Variants in XRRA1 observed in about 807,000 individuals in gnomAD.
XRRA1 encodes X-ray radiation resistance-associated protein 1.
In XRRA1, 69 loss-of-function variants were observed where a neutral mutation model predicts 80.2. The observed-to-expected ratio is 0.86, with a 90% CI of 0.71 to 1.05. XRRA1 has a LOEUF of 1.05. Among genes scored for constraint, XRRA1 ranks in the 50% least tolerant of loss-of-function variants. The probability of loss-of-function intolerance (pLI) is 0.00; values close to 1 mark genes in which losing one functional copy is unlikely to be tolerated. For synonymous variants in XRRA1, 348 were observed against 389.9 expected (o/e 0.89, Z 1.27); for missense variants, 967 against 976.4 (o/e 0.99, Z 0.13).
chr11:74,885,178 T>C (rs1440622772), intron 10 of XRRA1, among the ~76,000 whole-genome samples: 1 of 152,062 alleles, frequency 6.6e-6, no homozygotes, highest in African/African-American at 2.4e-5. Context: ...GTGGGAGGAT[T>C]GCTTGAGTAT....
At chr11:74,850,362 G>T (rs1474516038) in intron 14 of XRRA1, among the ~76,000 whole-genome samples, 1 of 152,194 alleles carries the variant, frequency 6.6e-6, no homozygotes, top group Non-Finnish European at 1.5e-5. Context: ...GGAGGAAGAT[G>T]ATGGAAACCT....
At chr11:74,852,431 C>T (rs140895180) in intron 12 of XRRA1, among the ~76,000 whole-genome samples, 1 of 152,304 alleles carries the variant, frequency 6.6e-6, no homozygotes, top group Non-Finnish European at 1.5e-5. Flanking sequence ...TTCGTACGAA[C>T]AAACTCTTTA....
rs1212108872 is a variant in XRRA1 at position 74,841,547 on chromosome 11, TACTC to T, written c.*1649_*1652del. The T allele has an allele frequency of 1.3e-5, 2 of 152,216 alleles. No homozygotes were observed. The highest frequency in any genetic ancestry group is 2.9e-5 in the Non-Finnish European group (2 of 68,042). The allele number at this position is 152,216 out of a possible 1,614,324, so 9.4% of individuals were successfully genotyped here. A position where few individuals can be genotyped will look rare whatever the true frequency, so the allele number is the denominator to read the frequency against. ...TTTTTTTCCTCTTAAGAAAAAAATT[TACTC>T]TCTCTCCTTTGTGAGTAAATGCCTC... On this transcript the variant is annotated 3_prime_UTR_variant, in exon 19 of 19. Transcript: ENST00000684022.
chr11:74,898,618 C>T (rs2052918752), intron 10 of XRRA1, among the ~76,000 whole-genome samples: 1 of 151,860 alleles, frequency 6.6e-6, no homozygotes, highest in Admixed American at 6.6e-5. Flanking sequence ...ATACTTATAT[C>T]AGACAAAATA....
chr11:74,887,170 C>T (rs1036372150), intron 10 of XRRA1, among the ~76,000 whole-genome samples: 6 of 152,118 alleles, frequency 3.9e-5, no homozygotes, highest in African/African-American at 1.4e-4. Context: ...GCAAAGAGTC[C>T]ATGACAAAGA....
At chr11:74,903,619 C>T (rs1240487704) in intron 10 of XRRA1, among the ~76,000 whole-genome samples, 2 of 152,146 alleles carry the variant, frequency 1.3e-5, no homozygotes, top group Admixed American at 1.3e-4. Context: ...AGGAGAATGG[C>T]GAGAACCCAG....
chr11:74,943,847 T>C (rs976210027), intron 2 of XRRA1, among the ~76,000 whole-genome samples: 1 of 151,916 alleles, frequency 6.6e-6, no homozygotes, highest in Non-Finnish European at 1.5e-5. Flanking sequence ...TTTGAGACAG[T>C]GTCTTACTTT....
chr11:74,884,130 C>T (rs1006199898), intron 10 of XRRA1, among the ~76,000 whole-genome samples: 4 of 152,120 alleles, frequency 2.6e-5, no homozygotes, highest in African/African-American at 9.7e-5. Flanking sequence ...ACCCACTGCA[C>T]TCCATCCTGG....
At chr11:74,943,223 A>T (rs544511809) in intron 2 of XRRA1, among the ~76,000 whole-genome samples, 5 of 152,134 alleles carry the variant, frequency 3.3e-5, no homozygotes, top group African/African-American at 7.2e-5. Context: ...ATGCACACAC[A>T]TGCAAAAAAG....
intron 8 of XRRA1, among the ~76,000 whole-genome samples, chr11:74,912,307 A>G (rs186979097): frequency 6.6e-6 from 1 of 152,344 alleles, no homozygotes; most frequent in East Asian, 1.9e-4. Context: ...CTGGGAACTA[A>G]CAAGCTGTGA....
At chr11:74,933,968 T>C in intron 4 of XRRA1, 96 bp from the exon 5 acceptor site, 1 of 1,060,976 alleles carries the variant, frequency 9.4e-7, no homozygotes, top group Non-Finnish European at 1.4e-6. Flanking sequence ...ATCATATACT[T>C]GTCATAATTT....
intron 3 of XRRA1, among the ~76,000 whole-genome samples, chr11:74,939,843 T>G (rs1028037325): frequency 4.8e-5 from 7 of 144,750 alleles, no homozygotes; most frequent in Admixed American, 1.4e-4. Context: ...GAGAGTGACA[T>G]AGAGAGAGAG....
At chr11:74,875,666 C>G (rs1003311787) in intron 10 of XRRA1, among the ~76,000 whole-genome samples, 2 of 152,050 alleles carry the variant, frequency 1.3e-5, no homozygotes, top group Non-Finnish European at 2.9e-5. Context: ...ATCAGGAGTT[C>G]GAGACCAGCC....
rs536489338 is a variant in XRRA1 at position 74,948,336 on chromosome 11, T to A, written c.-73+592A>T. ...GCTCAATATACATTTGTGAAAAAAA[T>A]TAATTAAAATACAACGTAATAGAGC... On this transcript the variant is annotated intron_variant, in intron 1 of 18. Transcript: ENST00000684022. 1.6e-3 allele frequency among the ~76,000 whole-genome samples: 242 copies of A among 147,404 alleles called. 1 individual carries two copies. Among genetic ancestry groups the A allele is most frequent in the African/African-American group, 6.0e-3 (232 of 38,348 alleles).
intron 10 of XRRA1, among the ~76,000 whole-genome samples, chr11:74,882,465 G>A (rs1432510296): frequency 1.5e-4 from 23 of 151,402 alleles, no homozygotes; most frequent in Admixed American, 7.3e-4. Context: ...ATGTCCTCCC[G>A]TAGCTCAGAG....
chr11:74,921,388 G>T (rs757773957), intron 7 of XRRA1, 41 bp from the exon 8 acceptor site: 2 of 1,610,904 alleles, frequency 1.2e-6, no homozygotes, highest in Admixed American at 3.3e-5. Context: ...TAAGCACTCT[G>T]TGTGACAACA....
At chr11:74,861,373 C>T (rs7125952) in intron 11 of XRRA1, among the ~76,000 whole-genome samples, 3,785 of 152,248 alleles carry the variant, frequency 0.025, 163 homozygotes, top group African/African-American at 0.085. Flanking sequence ...CACCTCCTGT[C>T]GGATCAGCAG....
At chr11:74,907,079 G>C (rs2054767829) in intron 9 of XRRA1, 66 bp downstream of exon 9, 1 of 1,600,590 alleles carries the variant, frequency 6.2e-7, no homozygotes, top group Non-Finnish European at 8.5e-7. Context: ...TTCCAGAACA[G>C]CACTCAGAGT....
In XRRA1 at chr11:74,933,815, G is replaced by T; in HGVS notation, c.337C>A (p.Leu113Met). Residue 113 changes from leucine (L) to methionine (M), a missense_variant, in exon 5 of 19, where the codon CTG becomes ATG. By Grantham distance (15) the Leu-to-Met change is conservative. Transcript: ENST00000684022. ...GCTGACCTCACCTTGGAGAACTTCA[G>T]GCCACTCACATTAATGGTGCACAGA... ...SDLCTINVSG[L>M]KFSKAKENDF... is the part of the protein sequence containing the mutation. 1 of 1,597,298 alleles carries T rather than the reference G, an allele frequency of 6.3e-7. No homozygotes were observed. The highest frequency in any genetic ancestry group is 2.2e-5 in the East Asian group (1 of 44,458).
Sources: allele counts gnomAD v4.1 joint callset (sites outside exome capture counted in the v4.1 genomes callset), GRCh38; gene constraint gnomAD v4.1.1; transcripts MANE v1.5; gene names NCBI Gene and HGNC (gene_info 2026-07-23, HGNC 2026-07-21).